Variants in UIMC1 observed in about 807,000 individuals in gnomAD.
The protein encoded by UIMC1 is BRCA1-A complex subunit RAP80.
Under a neutral mutation model 84.9 loss-of-function variants are expected in UIMC1, and 42 were observed. That is an observed-to-expected ratio of 0.49 (90% confidence interval 0.39 to 0.64). The LOEUF (loss-of-function observed/expected upper bound fraction) is 0.64, where lower values mean the gene tolerates loss of function less well. UIMC1 is among the 30% of genes least tolerant of loss of function. The pLI, the probability that UIMC1 is intolerant of heterozygous loss-of-function variation, is 0.00. For missense variants in UIMC1, 825 were observed against 847.6 expected, an observed-to-expected ratio of 0.97 and a Z score of 0.33; for synonymous variants, 281 against 293.0, an observed-to-expected ratio of 0.96 and a Z score of 0.42.
intron 1 of UIMC1, among the ~76,000 whole-genome samples, chr5:177,018,349 C>CAAAAAAAAAA (rs373953088): frequency 2.9e-4 from 39 of 134,948 alleles, no homozygotes; most frequent in South Asian, 9.7e-4. Flanking sequence ...GACTCTGTCT[C>CAAAAAAAAAA]AAAAAAAAAA....
At chr5:176,944,634 A>G (rs1382707240) in intron 9 of UIMC1, among the ~76,000 whole-genome samples, 1 of 152,254 alleles carries the variant, frequency 6.6e-6, no homozygotes, top group Non-Finnish European at 1.5e-5. Flanking sequence ...AAACACGACC[A>G]AAACTTCAAT....
chr5:176,948,302 A>G (rs1163648694), intron 9 of UIMC1, among the ~76,000 whole-genome samples: 1 of 152,258 alleles, frequency 6.6e-6, no homozygotes. Flanking sequence ...AATACTATTG[A>G]GCAATTCTCT....
At chr5:176,910,009 C>G (rs902984370) in intron 11 of UIMC1, among the ~76,000 whole-genome samples, 5 of 152,202 alleles carry the variant, frequency 3.3e-5, no homozygotes, top group Non-Finnish European at 5.9e-5. Flanking sequence ...TAATATTAGG[C>G]ACTAAACAAA....
chr5:176,978,162 G>A (rs1212115559), intron 2 of UIMC1, among the ~76,000 whole-genome samples: 1 of 151,946 alleles, frequency 6.6e-6, no homozygotes, highest in Non-Finnish European at 1.5e-5. Context: ...ACGAGGTCAG[G>A]AGATCGAGAC....
intron 1 of UIMC1, among the ~76,000 whole-genome samples, chr5:177,013,728 A>G (rs1256511208): frequency 1.3e-5 from 2 of 152,248 alleles, no homozygotes; most frequent in Non-Finnish European, 2.9e-5. Context: ...ATGATTTATT[A>G]CAGCCAAAGG....
rs575835859 is a variant in UIMC1 at position 176,972,609 on chromosome 5, G to A, written c.233-1743C>T. Among the ~76,000 whole-genome samples the A allele has an allele frequency of 5.3e-5, 8 of 151,946 alleles. No homozygotes were observed. In the South Asian group the frequency reaches 1.7e-3, roughly 32 times the overall value. ...AAATTAGCTGGGCGTGGTGGCAGGC[G>A]CCTGTAATCCCAGCTACTCGGGAGG... On this transcript the variant is annotated intron_variant, in intron 3 of 14. Coordinates refer to ENST00000511320, the MANE Select transcript of UIMC1 (RefSeq NM_001199298.2).
intron 1 of UIMC1, among the ~76,000 whole-genome samples, chr5:176,988,130 CAAAAAAAAAAA>C (rs35059681): frequency 1.1e-5 from 1 of 90,212 alleles, no homozygotes; most frequent in Non-Finnish European, 2.2e-5. Context: ...CGCCCCTGTC[CAAAAAAAAAAA>C]AAAAAAAAAA....
chr5:176,990,458 T>C (rs1772661499), intron 1 of UIMC1, among the ~76,000 whole-genome samples: 1 of 152,102 alleles, frequency 6.6e-6, no homozygotes, highest in South Asian at 2.1e-4. Flanking sequence ...AGATATTCTG[T>C]TATAGCAGCA....
intron 8 of UIMC1, among the ~76,000 whole-genome samples, chr5:176,952,940 C>T (rs754845549): frequency 1.8e-4 from 27 of 152,152 alleles, no homozygotes; most frequent in Admixed American, 7.2e-4. Flanking sequence ...TGTGTACCCC[C>T]CGAACTTCGT....
At chr5:176,922,840 T>C (rs1254775666) in intron 10 of UIMC1, among the ~76,000 whole-genome samples, 1 of 152,254 alleles carries the variant, frequency 6.6e-6, no homozygotes, top group East Asian at 1.9e-4. Flanking sequence ...AGACAAGTAC[T>C]AGTAAGGAAG....
At chr5:176,952,171 T>C (rs1441837635) in intron 8 of UIMC1, among the ~76,000 whole-genome samples, 3 of 152,246 alleles carry the variant, frequency 2.0e-5, no homozygotes, top group African/African-American at 7.2e-5. Flanking sequence ...TTATTTCCAC[T>C]GTAATTCTAG....
chr5:176,981,634 C>CA (rs536145575), intron 2 of UIMC1, among the ~76,000 whole-genome samples: 24 of 149,548 alleles, frequency 1.6e-4, no homozygotes, highest in South Asian at 6.3e-4. Flanking sequence ...CCCATCTCTA[C>CA]AAAAAAAAAT....
chr5:177,011,260 C>G (rs1348712031), upstream of UIMC1, among the ~76,000 whole-genome samples: 4 of 151,738 alleles, frequency 2.6e-5, no homozygotes, highest in East Asian at 5.8e-4. Flanking sequence ...AAACTATAAG[C>G]TGGGCACAGT....
At chr5:176,952,940 C>G (rs754845549) in intron 8 of UIMC1, among the ~76,000 whole-genome samples, 1 of 152,152 alleles carries the variant, frequency 6.6e-6, no homozygotes, top group Non-Finnish European at 1.5e-5. Context: ...TGTGTACCCC[C>G]CGAACTTCGT....
intron 10 of UIMC1, among the ~76,000 whole-genome samples, chr5:176,933,042 A>G (rs1173189387): frequency 6.6e-6 from 1 of 152,008 alleles, no homozygotes; most frequent in Non-Finnish European, 1.5e-5. Flanking sequence ...CACTGCTTCT[A>G]CTTCAAGAAA....
At chr5:176,924,365 A>G (rs1425072102) in intron 10 of UIMC1, among the ~76,000 whole-genome samples, 1 of 152,094 alleles carries the variant, frequency 6.6e-6, no homozygotes, top group Non-Finnish European at 1.5e-5. Context: ...ATCTTGAAAA[A>G]GAACAAATGA....
At chr5:176,941,438 A>G (rs543507722) in intron 10 of UIMC1, among the ~76,000 whole-genome samples, 1 of 152,356 alleles carries the variant, frequency 6.6e-6, no homozygotes, top group East Asian at 1.9e-4. Flanking sequence ...TATTACAATG[A>G]ACATGTACTA....
At chr5:176,983,381 C>T (rs1421650000) in intron 1 of UIMC1, among the ~76,000 whole-genome samples, 4 of 151,848 alleles carry the variant, frequency 2.6e-5, no homozygotes, top group Admixed American at 1.3e-4. Flanking sequence ...ATTCCAGGCA[C>T]GCACCGCCAC....
chr5:176,947,915 C>CAA (rs111233011), intron 9 of UIMC1, among the ~76,000 whole-genome samples: 1 of 140,370 alleles, frequency 7.1e-6, no homozygotes, highest in Non-Finnish European at 1.6e-5. Context: ...CTTCAGACTT[C>CAA]AAAAAAAAAA....
Sources: allele counts gnomAD v4.1 joint callset (sites outside exome capture counted in the v4.1 genomes callset), GRCh38; gene constraint gnomAD v4.1.1; transcripts MANE v1.5; gene names NCBI Gene and HGNC (gene_info 2026-07-23, HGNC 2026-07-21).